The following RAD9B variants were observed in gnomAD, a reference collection of about 807,000 sequenced individuals.
RAD9B encodes cell cycle checkpoint control protein RAD9B.
In RAD9B, 41 loss-of-function variants were observed where a neutral mutation model predicts 48.3. That is an observed-to-expected ratio of 0.85 (90% CI 0.66 to 1.10). The LOEUF (loss-of-function observed/expected upper bound fraction) is 1.10. RAD9B is among the 50% of genes least tolerant of loss of function. The pLI is 0.00. For missense variants in RAD9B, 444 were observed against 485.1 expected (o/e 0.92, Z 0.80); for synonymous variants, 160 against 157.9 (o/e 1.01, Z -0.10).
At chr12:110,508,796 T>C (rs1264296508) in intron 4 of RAD9B, among the ~76,000 whole-genome samples, 2 of 151,932 alleles carry the variant, frequency 1.3e-5, no homozygotes, top group African/African-American at 4.8e-5. Context: ...TTTCTTTTCT[T>C]TTTTTTGAAA....
In RAD9B at chr12:110,522,369, CA is replaced by C. The variant is rs755720355; in HGVS notation, c.1084del (p.Ser362AlafsTer48). On this transcript the variant is annotated frameshift_variant, in exon 10 of 11. Coordinates refer to ENST00000409300, the MANE Select transcript of RAD9B (RefSeq NM_001286535.2). LOFTEE classifies it low-confidence loss of function (END_TRUNC). The stretch of plus-strand genomic sequence containing the variant: ...TCAGTGAAGTATCAGAAAGCAGTGT[CA>C]GCAACACAGAGGAAGTGCCAGGGTC... Reference protein sequence around the residue: ...DVSEVSESSVSNTEEVPGSLC... With the variant: ...DVSEVSESSVXNTEEVPGSLC... 1 of 1,612,862 alleles carries C rather than the reference CA, an allele frequency of 6.2e-7. No homozygotes were observed. Among genetic ancestry groups the C allele is most frequent in the Middle Eastern group, 1.6e-4 (1 of 6,082 alleles).
chr12:110,507,189 G>C (rs1291737406), intron 4 of RAD9B, among the ~76,000 whole-genome samples: 1 of 151,906 alleles, frequency 6.6e-6, no homozygotes, highest in Admixed American at 6.6e-5. Flanking sequence ...ACCTGTCACT[G>C]TAGAAGTATT....
intron 10 of RAD9B, among the ~76,000 whole-genome samples, chr12:110,529,928 C>A (rs2064077381): frequency 6.6e-6 from 1 of 152,284 alleles, no homozygotes; most frequent in Non-Finnish European, 1.5e-5. Context: ...GCTTCGTTGA[C>A]CTCTGCCTCT....
In RAD9B at chr12:110,532,874, T is replaced by C. The variant is rs1001375913; in HGVS notation, c.*2221T>C. Among the ~76,000 whole-genome samples the C allele has an allele frequency of 6.6e-6, 1 of 152,214 alleles. No individual in the cohort carries two copies. The highest frequency in any genetic ancestry group is 2.4e-5 in the African/African-American group (1 of 41,458). ...CCCAGATGTGTAGTAGGCTAGACCA[T>C]CTAGGCTTGTGTCAGTACACAATGA... On this transcript the variant is annotated 3_prime_UTR_variant, in exon 11 of 11. Coordinates refer to ENST00000409300, the MANE Select transcript of RAD9B (RefSeq NM_001286535.2).
intron 3 of RAD9B, 34 bp downstream of exon 3, chr12:110,505,806 T>C (rs2063246589): frequency 1.3e-6 from 2 of 1,565,260 alleles, no homozygotes; most frequent in South Asian, 1.1e-5. Context: ...TCTCTTATTC[T>C]GTAGAAATAT....
At position 110,516,169 on chromosome 12, in the gene RAD9B, G is replaced by A. The variant is rs139492603; in HGVS notation, c.595+1013G>A. On this transcript the variant is annotated intron_variant, in intron 6 of 10. Coordinates refer to ENST00000409300, the MANE Select transcript of RAD9B (RefSeq NM_001286535.2). ...TTGAGCCCGTAAGTTTGAGACTGCA[G>A]TGAGCCATGATTGTGCCACTGCACT... Among the ~76,000 whole-genome samples the A allele has an allele frequency of 6.8e-3, 1,038 of 152,124 alleles. 5 individuals carry two copies. The highest frequency in any genetic ancestry group is 9.6e-3 in the Non-Finnish European group (650 of 67,984).
At chr12:110,530,477 C>T (rs1433466034) in intron 10 of RAD9B, 48 bp from the exon 11 acceptor site, 1 of 1,595,534 alleles carries the variant, frequency 6.3e-7, no homozygotes, top group Non-Finnish European at 8.6e-7. Flanking sequence ...ATTTAATGAG[C>T]AAACTTTCTC....
At chr12:110,516,252 G>A (rs1284963882) in intron 6 of RAD9B, among the ~76,000 whole-genome samples, 4 of 152,012 alleles carry the variant, frequency 2.6e-5, no homozygotes, top group Non-Finnish European at 5.9e-5. Context: ...GAAGCACAGA[G>A]AAACTGTGGC....
Position 110,522,184 on chromosome 12 carries a change from C to T in RAD9B, c.898C>T (p.Leu300=). The T allele has an allele frequency of 1.3e-6, 2 of 1,577,950 alleles. No homozygotes were observed. Among genetic ancestry groups the T allele is most frequent in the Middle Eastern group, 1.7e-4 (1 of 6,026 alleles). The part of the protein sequence containing the change: ...CLSQKRKRSD[L]IEKKAGKNVT... ...TGCCTATTAATACCTCAGGTCAGATCTGATTGAAAAAAAGGCTGGCAAAAA... is the reference window on the plus strand; with the variant it reads ...TGCCTATTAATACCTCAGGTCAGATTTGATTGAAAAAAAGGCTGGCAAAAA... Residue 300 remains leucine, a synonymous_variant, in exon 10 of 11, where the codon CTG becomes TTG. Transcript: ENST00000409300.
chr12:110,513,722 TTATTATTA>T (rs2063529212), intron 5 of RAD9B, among the ~76,000 whole-genome samples: 5 of 146,550 alleles, frequency 3.4e-5, no homozygotes, highest in African/African-American at 1.2e-4. Context: ...ATTATTATTA[TTATTATTA>T]TTATTATTTT....
At chr12:110,524,813 T>C (rs1302829876) in intron 10 of RAD9B, among the ~76,000 whole-genome samples, 1 of 151,726 alleles carries the variant, frequency 6.6e-6, no homozygotes, top group African/African-American at 2.4e-5. Flanking sequence ...CTGCCTGCCT[T>C]GGCCTCCCAA....
At position 110,533,159 on chromosome 12, in the gene RAD9B, A is replaced by G. The variant is rs1290795186; in HGVS notation, c.*2506A>G. ...GCTAGAATGACTAGGAGGCTTGGAA[A>G]TGAGGACCTGATAGTGACCAACAAA... On this transcript the variant is annotated 3_prime_UTR_variant, in exon 11 of 11. Transcript: ENST00000409300. 6.6e-6 allele frequency: 1 copy of G among 152,250 alleles called. No individual in the cohort carries two copies. Among genetic ancestry groups the G allele is most frequent in the Non-Finnish European group, 1.5e-5 (1 of 68,052 alleles). The allele number at this position is 152,250 out of a possible 1,614,324, so 9.4% of individuals were successfully genotyped here. A position where few individuals can be genotyped will look rare whatever the true frequency, so the allele number is the denominator to read the frequency against.
intron 6 of RAD9B, 48 bp downstream of exon 6, chr12:110,515,204 T>A: frequency 1.1e-6 from 1 of 937,456 alleles, no homozygotes; most frequent in Non-Finnish European, 1.7e-6. Flanking sequence ...TTACTTCCTG[T>A]CTCTCGATTA....
chr12:110,510,920 G>T (rs1457355977), intron 4 of RAD9B, among the ~76,000 whole-genome samples: 2 of 151,668 alleles, frequency 1.3e-5, no homozygotes. Flanking sequence ...CACCACAACA[G>T]TCTAGCCTTG....
intron 1 of RAD9B, 85 bp downstream of exon 1, chr12:110,502,468 T>A (rs2063109588): frequency 6.6e-7 from 1 of 1,513,708 alleles, no homozygotes; most frequent in Non-Finnish European, 9.0e-7. Flanking sequence ...TAATTTTTCC[T>A]CTTTGCCTTT....
rs1352374564 is a variant in RAD9B at position 110,506,771 on chromosome 12, T to C, written c.388+78T>C. 1.3e-5 allele frequency: 10 copies of C among 743,990 alleles called. No homozygotes were observed. In the African/African-American group the frequency reaches 1.6e-4, roughly 12 times the overall value. 46.1% of individuals were successfully genotyped at this position (743,990 alleles called of 1,614,324 possible). A position where few individuals can be genotyped will look rare whatever the true frequency, so the allele number is the denominator to read the frequency against. On this transcript the variant is annotated intron_variant, in intron 4 of 10. Transcript: ENST00000409300. ...TCATGTTTAGAACATTGATATTTCA[T>C]GTCAAGATTTCTCGTTACATTATTG...
intron 5 of RAD9B, among the ~76,000 whole-genome samples, 190 bp downstream of exon 5, chr12:110,513,068 C>T (rs1411047425): frequency 1.3e-4 from 19 of 151,836 alleles, no homozygotes; most frequent in Admixed American, 1.2e-3. Flanking sequence ...TGGGTTGACA[C>T]CAGTCTCCTG....
rs887690239 is a variant in RAD9B, at chr12:110,533,355, CTT to C, written c.*2703_*2704del. On this transcript the variant is annotated 3_prime_UTR_variant, in exon 11 of 11. Coordinates refer to ENST00000409300, the MANE Select transcript of RAD9B (RefSeq NM_001286535.2). ...GACATCCAAATTCAGGTAATTGCCT[CTT>C]GGGTAATAAGACAAATAATGATAGT... is the stretch of plus-strand genomic sequence containing the variant. 2.0e-5 allele frequency: 3 copies of C among 152,100 alleles called. No individual in the cohort carries two copies. The highest frequency in any genetic ancestry group is 7.3e-5 in the African/African-American group (3 of 41,378). 9.4% of individuals were successfully genotyped at this position (152,100 alleles called of 1,614,324 possible). A position where few individuals can be genotyped will look rare whatever the true frequency, so the allele number is the denominator to read the frequency against.
chr12:110,518,874 G>A lies in RAD9B; in HGVS notation c.703G>A (p.Gly235Arg), dbSNP rs1164529747. The stretch of plus-strand genomic sequence containing the variant: ...TTTTTTTCTTCTTTTCTTTTTTCAG[G>A]GAATACTGACATTTTCAGAAGCTAC... ...EITFCFKELK[G>R]ILTFSEATHA... The change falls in exon 8 of 11, where the codon GGA becomes AGA. Residue 235 changes from glycine to arginine, a missense_variant and splice_region_variant. Physicochemically the swap from Gly to Arg is moderately radical, Grantham distance 125. Transcript: ENST00000409300. The A allele has an allele frequency of 1.3e-6, 2 of 1,576,574 alleles. No homozygotes were observed. The highest frequency in any genetic ancestry group is 8.6e-7 in the Non-Finnish European group (1 of 1,160,992).
Sources: gnomAD v4.1 joint callset for allele counts (sites outside exome capture counted in the v4.1 genomes callset) on GRCh38, gnomAD v4.1.1 for gene constraint, MANE v1.5 for transcripts, NCBI Gene and HGNC (gene_info 2026-07-23, HGNC 2026-07-21) for gene names.